The following ABCC11 variants were observed in gnomAD, a reference collection of about 807,000 sequenced individuals.
ABCC11 encodes ATP-binding cassette sub-family C member 11.
In ABCC11, 135 loss-of-function variants were observed where a neutral mutation model predicts 149.3. That is an observed-to-expected ratio of 0.90 (90% confidence interval 0.79 to 1.04). The LOEUF is 1.04. Ranked by LOEUF, ABCC11 falls within the 50% of genes least tolerant of loss-of-function variation. The pLI is 0.00. For synonymous variants in ABCC11, 665 were observed against 671.4 expected, an observed-to-expected ratio of 0.99 and a Z score of 0.15; for missense variants, 1,680 against 1,722.1, an observed-to-expected ratio of 0.98 and a Z score of 0.43.
intron 24 of ABCC11, 96 bp from the exon 25 acceptor site, chr16:48,177,209 C>A: frequency 2.4e-6 from 3 of 1,260,736 alleles, no homozygotes; most frequent in South Asian, 1.5e-5. Context: ...GGGGTGTGAC[C>A]CACCCCAGCC....
At chr16:48,238,140 T>C (rs1970776010) in intron 1 of ABCC11, among the ~76,000 whole-genome samples, 1 of 152,168 alleles carries the variant, frequency 6.6e-6, no homozygotes. Context: ...AAATGAATAT[T>C]AAGCAATGTG....
chr16:48,215,769 C>T (rs1969294076), intron 7 of ABCC11, among the ~76,000 whole-genome samples: 1 of 152,184 alleles, frequency 6.6e-6, no homozygotes, highest in African/African-American at 2.4e-5. Context: ...TGTGCTCAGA[C>T]AAATGTTAAA....
At position 48,202,442 on chromosome 16, in the gene ABCC11, C is replaced by A. The variant is rs369350366; in HGVS notation, c.1878+786G>T. ...CTTGGCTAACATGACGAAACCCTGT[C>A]TCCACTAAAAATGCAAAAATTAGCC... On this transcript the variant is annotated intron_variant, in intron 14 of 29. Transcript: ENST00000356608. Among the ~76,000 whole-genome samples, 27 of 152,142 alleles carry A rather than the reference C, an allele frequency of 1.8e-4. No homozygotes were observed. The East Asian group carries it at 4.9e-3, about 27-fold the overall frequency.
chr16:48,196,098 G>A, intron 18 of ABCC11, 134 bp downstream of exon 18: 2 of 818,978 alleles, frequency 2.4e-6, no homozygotes, highest in Non-Finnish European at 3.8e-6. Context: ...GTTTGGTTTT[G>A]CAAGTTAGGC....
At chr16:48,237,622 GA>G (rs1323529237) in intron 1 of ABCC11, among the ~76,000 whole-genome samples, 1 of 152,072 alleles carries the variant, frequency 6.6e-6, no homozygotes, top group Non-Finnish European at 1.5e-5. Context: ...TCCTCAACTT[GA>G]TCTCTCCCAT....
rs1032737046 is a variant in ABCC11 at position 48,241,227 on chromosome 16, C to T, written c.-19+6087G>A. On this transcript the variant is annotated intron_variant, in intron 1 of 29. Coordinates refer to ENST00000356608, the MANE Select transcript of ABCC11 (RefSeq NM_001370497.1). Reference sequence around the variant, plus strand: ...CCGGGATTGCAGGTGTGAGCCACTGCGTCCAGCCCACAACATCTCTTTCAT... The same window carrying T: ...CCGGGATTGCAGGTGTGAGCCACTGTGTCCAGCCCACAACATCTCTTTCAT... Among the ~76,000 whole-genome samples the T allele has an allele frequency of 3.3e-5, 5 of 152,142 alleles. No individual in the cohort carries two copies. In the South Asian group the frequency reaches 6.2e-4, roughly 19 times the overall value.
chr16:48,211,717 A>G (rs972244891), intron 10 of ABCC11, among the ~76,000 whole-genome samples: 1 of 152,168 alleles, frequency 6.6e-6, no homozygotes, highest in African/African-American at 2.4e-5. Context: ...TATTGAAAAT[A>G]AAAAGCTCTG....
At position 48,200,446 on chromosome 16, in the gene ABCC11, G is replaced by A. The variant is rs1567512813; in HGVS notation, c.1912C>T (p.Gln638Ter). 1 of 1,614,142 alleles carries A rather than the reference G, an allele frequency of 6.2e-7. No individual in the cohort carries two copies. The highest frequency in any genetic ancestry group is 1.7e-5 in the Admixed American group (1 of 60,014). Residue 638 changes from glutamine to a stop codon, truncating the protein, a stop_gained, in exon 15 of 30, where the codon CAG becomes TAG. Transcript: ENST00000356608. LOFTEE classifies it high-confidence loss of function. ...GERGLNLSGG[Q>*]KQRISLARAV... ...CGGGCCAGGCTGATCCTCTGTTTCT[G>A]CCCCCCAGAGAGGTTGAGGCCCCGC...
intron 1 of ABCC11, among the ~76,000 whole-genome samples, chr16:48,242,707 T>C (rs1362286672): frequency 6.6e-6 from 1 of 152,206 alleles, no homozygotes; most frequent in African/African-American, 2.4e-5. Flanking sequence ...CATGGAATAC[T>C]ATGCAGCCAT....
chr16:48,216,365 C>T (rs1042061258), intron 6 of ABCC11, 78 bp from the exon 7 acceptor site: 7 of 1,414,734 alleles, frequency 4.9e-6, no homozygotes, highest in Non-Finnish European at 6.9e-6. Context: ...CCTCCCCATG[C>T]CCTCTCCTAG....
rs148249911 is a variant in ABCC11, at chr16:48,202,692, A to G, written c.1878+536T>C. ...ATTGAGATTATCGTGACTCTCACCT[A>G]AGACACTACATTCAAGTCACTAGAA... On this transcript the variant is annotated intron_variant, in intron 14 of 29. Coordinates refer to ENST00000356608, the MANE Select transcript of ABCC11 (RefSeq NM_001370497.1). Among the ~76,000 whole-genome samples, 5 of 152,302 alleles carry G rather than the reference A, an allele frequency of 3.3e-5. No homozygotes were observed. In the East Asian group the frequency reaches 9.7e-4, roughly 29 times the overall value.
Position 48,193,987 on chromosome 16 carries a change from G to A in ABCC11, c.2405-5C>T, listed in dbSNP as rs1307108057. The A allele has an allele frequency of 1.2e-6, 2 of 1,602,798 alleles. No individual in the cohort carries two copies. The highest frequency in any genetic ancestry group is 2.2e-5 in the East Asian group (1 of 44,862). On this transcript the variant is annotated splice_polypyrimidine_tract_variant and splice_region_variant and intron_variant, in intron 18 of 29. Coordinates refer to ENST00000356608, the MANE Select transcript of ABCC11 (RefSeq NM_001370497.1). ...TTATGCAAGAGACCATGTAACCTGG[G>A]AGGGAGACAGTGGTGATGTACAAGT...
At chr16:48,233,169 C>T (rs796964683) in intron 1 of ABCC11, among the ~76,000 whole-genome samples, 9 of 152,310 alleles carry the variant, frequency 5.9e-5, no homozygotes, top group African/African-American at 2.2e-4. Flanking sequence ...CCACTGTACT[C>T]CAGCCTGGGC....
In ABCC11 at chr16:48,193,946, A is replaced by G. The variant is rs1220296560; in HGVS notation, c.2441T>C (p.Val814Ala). ...GAAGATCGTTAAGAAGACGATCAGC[A>G]CCACGAAGAAGAAAATTATGCAAGA... is the stretch of plus-strand genomic sequence containing the variant. ...MVSCIIFFFV[V>A]LIVFLTIFSF... is the part of the protein sequence containing the mutation. Residue 814 changes from valine to alanine, a missense_variant, in exon 19 of 30, where the codon GTG (valine) becomes GCG (alanine). Val to Ala is a moderately conservative substitution (Grantham distance 64). Coordinates refer to ENST00000356608, the MANE Select transcript of ABCC11 (RefSeq NM_001370497.1). 15 of 1,613,916 alleles carry G rather than the reference A, an allele frequency of 9.3e-6. No individual in the cohort carries two copies. In the African/African-American group the frequency reaches 2.0e-4, roughly 22 times the overall value.
intron 23 of ABCC11, among the ~76,000 whole-genome samples, chr16:48,179,614 G>T (rs150646699): frequency 6.6e-6 from 1 of 152,160 alleles, no homozygotes; most frequent in Non-Finnish European, 1.5e-5. Context: ...GCCTGCCCTC[G>T]AGGAGATCCC....
intron 6 of ABCC11, among the ~76,000 whole-genome samples, chr16:48,221,311 C>T (rs979492760): frequency 1.2e-4 from 19 of 152,086 alleles, no homozygotes; most frequent in Non-Finnish European, 2.4e-4. Flanking sequence ...CCACAACCCT[C>T]GAGGCAATTG....
Position 48,167,586 on chromosome 16 carries a change from TTCACGGATTGTGCGCTGGATCAGGGTG to T in ABCC11, c.3939_3965del (p.Asp1313_Arg1321del), listed in dbSNP as rs387906296. 5.0e-4 allele frequency: 813 copies of T among 1,614,018 alleles called. 12 individuals are homozygous for T. The Admixed American group carries it at 0.011, about 22-fold the overall frequency. ...CGAGCACGGTGCAGCCCTGGAAGGC[TTCACGGATTGTGCGCTGGATCAGGGTG>T]TCTGTCTCCATGTCAATGGAGGCTG... is the stretch of plus-strand genomic sequence containing the variant. On this transcript the variant is annotated inframe_deletion, in exon 29 of 30. Transcript: ENST00000356608.
chr16:48,182,183 T>C (rs1036328609), intron 23 of ABCC11, among the ~76,000 whole-genome samples: 6 of 152,192 alleles, frequency 3.9e-5, no homozygotes, highest in East Asian at 1.9e-4. Flanking sequence ...CTCCAGCACA[T>C]ACATGCACTC....
At chr16:48,180,604 G>A (rs965142640) in intron 23 of ABCC11, among the ~76,000 whole-genome samples, 1 of 152,222 alleles carries the variant, frequency 6.6e-6, no homozygotes, top group Non-Finnish European at 1.5e-5. Context: ...AAAGCAATGT[G>A]ATGTGTGATT....
Sources: gnomAD v4.1 joint callset for allele counts (sites outside exome capture counted in the v4.1 genomes callset) on GRCh38, gnomAD v4.1.1 for gene constraint, MANE v1.5 for transcripts, NCBI Gene and HGNC (gene_info 2026-07-23, HGNC 2026-07-21) for gene names.